Variants in ARR3 observed in about 807,000 individuals in gnomAD.
ARR3 encodes arrestin-C.
In ARR3, 14 loss-of-function variants were observed where a neutral mutation model predicts 35.4. The ratio of observed to expected loss-of-function variants is 0.40; its 90% CI spans 0.26 to 0.62. The LOEUF (loss-of-function observed/expected upper bound fraction) is 0.62. Among genes scored for constraint, ARR3 ranks in the 20% least tolerant of loss-of-function variants. The pLI, the probability that ARR3 is intolerant of heterozygous loss-of-function variation, is 0.46. For synonymous variants in ARR3, 97 were observed against 119.1 expected (o/e 0.81, Z 1.21); for missense variants, 259 against 303.8 (o/e 0.85, Z 1.10).
chrX:70,273,517 C>T (rs952097760), intron 5 of ARR3, among the ~76,000 whole-genome samples: 47 of 111,948 alleles, frequency 4.2e-4, no homozygotes, highest in Non-Finnish European at 8.3e-4. Context: ...CCACTGTGCC[C>T]GGCCTCCAAA....
At position 70,278,079 on chromosome X, in the gene ARR3, A is replaced by G. The variant is rs200917624; in HGVS notation, c.708A>G (p.Thr236=). Residue 236 remains threonine (T), a synonymous_variant, in exon 11 of 17, where the codon ACA becomes ACG. Transcript: ENST00000307959. ...TGGCTTGTTCAGTTGACCAGATCAC[A>G]GATGTTGTCCTGTATTCACTAGACA... ...KKIKISVDQI[T]DVVLYSLDKY... is the part of the protein sequence containing the mutation. 1 of 1,210,630 alleles carries G rather than the reference A, an allele frequency of 8.3e-7. No individual in the cohort carries two copies. The highest frequency in any genetic ancestry group is 1.7e-5 in the African/African-American group (1 of 57,676).
At chrX:70,276,009 T>A in intron 5 of ARR3, 73 bp from the exon 6 acceptor site, 1 of 1,089,899 alleles carries the variant, frequency 9.2e-7, no homozygotes, top group East Asian at 3.0e-5. Flanking sequence ...CCTCTCTGTG[T>A]CTTCTTGACC....
rs151266240 is a variant in ARR3, at chrX:70,280,785, C to T, written c.1033C>T (p.Pro345Ser). 4.5e-5 allele frequency: 55 copies of T among 1,209,272 alleles called. No homozygotes were observed. Among genetic ancestry groups the T allele is most frequent in the Non-Finnish European group, 5.9e-5 (53 of 895,068 alleles). ...TTGCAGCGATGTTGGTGTGGAGCTA[C>T]CCTTGGTCCTGATCCATCCGAAGCC... ...LTASDVGVELPLVLIHPKPSH... is the reference protein window; with the variant it reads ...LTASDVGVELSLVLIHPKPSH... The change falls in exon 15 of 17, where the codon CCC becomes TCC. Residue 345 changes from proline (P) to serine (S), a missense_variant. By Grantham distance (74) the Pro-to-Ser change is moderately conservative. Coordinates refer to ENST00000307959, the MANE Select transcript of ARR3 (RefSeq NM_004312.3).
intron 14 of ARR3, 45 bp from the exon 15 acceptor site, chrX:70,280,721 G>A (rs896004886): frequency 1.7e-5 from 20 of 1,206,048 alleles, no homozygotes; most frequent in Admixed American, 2.2e-5. Flanking sequence ...CAGGGATTGG[G>A]CTTGTAGAGA....
At chrX:70,280,327 G>C (rs1320056198) in intron 13 of ARR3, 49 bp downstream of exon 13, 1 of 1,118,789 alleles carries the variant, frequency 8.9e-7, no homozygotes, top group Non-Finnish European at 1.2e-6. Context: ...AGAGTCAAGG[G>C]CTTTTCGCCT....
At chrX:70,275,234 C>T (rs1357339535) in intron 5 of ARR3, among the ~76,000 whole-genome samples, 1 of 112,608 alleles carries the variant, frequency 8.9e-6, no homozygotes, top group Admixed American at 9.4e-5. Context: ...ACTCCTTTTG[C>T]TCCACATCTT....
intron 5 of ARR3, among the ~76,000 whole-genome samples, chrX:70,273,573 G>T (rs2085639408): frequency 8.9e-6 from 1 of 112,033 alleles, no homozygotes; most frequent in South Asian, 3.7e-4. Flanking sequence ...TATGAGTTAA[G>T]TTGAGCACCT....
rs767704432 is a variant in ARR3, at chrX:70,270,251, C to T, written c.145+107C>T. The T allele has an allele frequency of 1.5e-5, 13 of 875,645 alleles. No individual in the cohort carries two copies. In the East Asian group the frequency reaches 4.1e-4, roughly 28 times the overall value. The allele number at this position is 875,645 out of a possible 1,213,427, so 72.2% of individuals were successfully genotyped here. ...AGAAAGTGGCAGGAACTGCGAATGC[C>T]TTCTCTGGTGGAGGCTGACAACTGG... On this transcript the variant is annotated intron_variant, in intron 5 of 16. Transcript: ENST00000307959.
At chrX:70,277,643 G>T (rs1398799962) in intron 9 of ARR3, 73 bp from the exon 10 acceptor site, 5 of 1,170,552 alleles carry the variant, frequency 4.3e-6, no homozygotes, top group African/African-American at 1.8e-5. Flanking sequence ...TAGCGCTAAG[G>T]AAGCAGGGGT....
At position 70,269,359 on chromosome X, in the gene ARR3, A is replaced by C. The variant is rs777119592; in HGVS notation, c.-27A>C. The C allele has an allele frequency of 9.1e-6, 11 of 1,205,802 alleles. No homozygotes were observed. Among genetic ancestry groups the C allele is most frequent in the Non-Finnish European group, 7.8e-6 (7 of 892,912 alleles). ...TTTCTTCTTTCCCTTTTCCCAGAAA[A>C]GGCTCAACATCAACTATATAGCCAA... On this transcript the variant is annotated 5_prime_UTR_variant, in exon 2 of 17. Transcript: ENST00000307959.
intron 8 of ARR3, 76 bp from the exon 9 acceptor site, chrX:70,277,318 A>G (rs750591013): frequency 2.1e-4 from 245 of 1,146,754 alleles, no homozygotes; most frequent in Non-Finnish European, 2.8e-4. Flanking sequence ...CAACAATTGG[A>G]CTATGGGGGT....
intron 15 of ARR3, 120 bp downstream of exon 15, chrX:70,280,938 T>C: frequency 1.1e-6 from 1 of 944,268 alleles, no homozygotes; most frequent in African/African-American, 2.2e-5. Flanking sequence ...ATAGGTAGGC[T>C]GGGTGTCTAG....
intron 5 of ARR3, among the ~76,000 whole-genome samples, chrX:70,273,214 CTTTTTT>C (rs59650423): frequency 2.4e-5 from 1 of 41,624 alleles, no homozygotes; most frequent in African/African-American, 1.0e-4. Context: ...GAAAGGATTC[CTTTTTT>C]TTTTTTTTTT....
At position 70,280,673 on chromosome X, in the gene ARR3, A is replaced by G. The variant is rs180878230; in HGVS notation, c.1013+91A>G. 9.7e-4 allele frequency: 1,155 copies of G among 1,192,860 alleles called. 7 individuals carry two copies. In the African/African-American group the frequency reaches 0.018, roughly 19 times the overall value. ...ATAATGATTGATTCTGGAGGGTCTG[A>G]GGGCATCCAAAGACTGGAAAACTAA... is the stretch of plus-strand genomic sequence containing the variant. On this transcript the variant is annotated intron_variant, in intron 14 of 16. Coordinates refer to ENST00000307959, the MANE Select transcript of ARR3 (RefSeq NM_004312.3).
intron 12 of ARR3, among the ~76,000 whole-genome samples, chrX:70,279,793 G>A (rs1216903632): frequency 1.8e-5 from 2 of 112,222 alleles, no homozygotes; most frequent in African/African-American, 6.5e-5. Context: ...GAGCACTGTA[G>A]ACTAGGGACA....
At chrX:70,276,041 C>G (rs780428764) in intron 5 of ARR3, 41 bp from the exon 6 acceptor site, 14 of 1,182,803 alleles carry the variant, frequency 1.2e-5, no homozygotes, top group Middle Eastern at 4.7e-4. Context: ...CCCCTTCCCA[C>G]TCAGGCCTGA....
rs775517765 is a variant in ARR3 at position 70,276,242 on chromosome X, G to T, written c.306G>T (p.Leu102=). ...TCACAGTCCTACAGGAGCGACTACT[G>T]CACAAGCTAGGGGACAATGCCTACC... The part of the protein sequence containing the change: ...GPLTVLQERL[L]HKLGDNAYPF... The change falls in exon 6 of 17, where the codon CTG becomes CTT. Residue 102 remains leucine (L), a synonymous_variant. Transcript: ENST00000307959. 1.7e-6 allele frequency: 2 copies of T among 1,210,122 alleles called. No homozygotes were observed. Among genetic ancestry groups the T allele is most frequent in the African/African-American group, 3.5e-5 (2 of 57,296 alleles).
At chrX:70,278,214 G>T (rs1454177729) in intron 11 of ARR3, 76 bp downstream of exon 11, 1 of 931,727 alleles carries the variant, frequency 1.1e-6, no homozygotes, top group Non-Finnish European at 1.5e-6. Context: ...GCAGTTGAGG[G>T]GGTAGAGTGG....
chrX:70,276,788 C>A, intron 8 of ARR3, 52 bp downstream of exon 8: 1 of 1,084,872 alleles, frequency 9.2e-7, no homozygotes, highest in Non-Finnish European at 1.3e-6. Context: ...TGCCAGGAAA[C>A]AGATCCTGCT....
Sources: allele counts gnomAD v4.1 joint callset (sites outside exome capture counted in the v4.1 genomes callset), GRCh38; gene constraint gnomAD v4.1.1; transcripts MANE v1.5; gene names NCBI Gene and HGNC (gene_info 2026-07-23, HGNC 2026-07-21).